Variants in ROR1 observed in about 807,000 individuals in gnomAD.
ROR1 encodes ROR family WNT receptor 1, also known as inactive tyrosine-protein kinase transmembrane receptor ROR1.
Under a neutral mutation model 78.8 loss-of-function variants are expected in ROR1, and 19 were observed. The observed-to-expected ratio is 0.24, with a 90% confidence interval of 0.17 to 0.35. ROR1 has a LOEUF of 0.35. Among genes scored for constraint, ROR1 ranks in the 10% least tolerant of loss-of-function variants. The pLI is 1.00. For missense variants in ROR1, 917 were observed against 1,177.8 expected (o/e 0.78, Z 3.24); for synonymous variants, 386 against 433.6 (o/e 0.89, Z 1.36).
chr1:64,142,968 G>C, intron 7 of ROR1: 1 of 1,138,542 alleles, frequency 8.8e-7, no homozygotes, highest in South Asian at 2.6e-5. Context: ...TACCCAGAAT[G>C]GTCTGCGTCC....
intron 1 of ROR1, among the ~76,000 whole-genome samples, chr1:63,877,037 C>T (rs1007730546): frequency 2.0e-5 from 3 of 151,924 alleles, no homozygotes; most frequent in East Asian, 3.9e-4. Flanking sequence ...TCTTAGAAAA[C>T]GAGGGCACAC....
chr1:64,106,154 C>T (rs2100664388), intron 4 of ROR1: 1 of 152,186 alleles, frequency 6.6e-6, no homozygotes, highest in South Asian at 2.1e-4. Context: ...GTTTGTAGTT[C>T]TCCTTGAAAA....
At chr1:64,014,760 A>ATT (rs1646506070) in intron 2 of ROR1, among the ~76,000 whole-genome samples, 1 of 44,938 alleles carries the variant, frequency 2.2e-5, no homozygotes, top group Non-Finnish European at 5.6e-5. Context: ...ATATATATAT[A>ATT]TATATATATA....
intron 1 of ROR1, among the ~76,000 whole-genome samples, chr1:63,929,651 A>G (rs1645734979): frequency 6.6e-6 from 1 of 152,180 alleles, no homozygotes; most frequent in African/African-American, 2.4e-5. Context: ...ATAAATGTAA[A>G]TGGTAAATAA....
At chr1:63,897,329 T>C (rs1266756556) in intron 1 of ROR1, among the ~76,000 whole-genome samples, 5 of 152,262 alleles carry the variant, frequency 3.3e-5, no homozygotes, top group Non-Finnish European at 7.3e-5. Flanking sequence ...ACCTATGAAA[T>C]GCTTGACATT....
chr1:63,895,358 C>G (rs972832197), intron 1 of ROR1, among the ~76,000 whole-genome samples: 16 of 152,298 alleles, frequency 1.1e-4, no homozygotes, highest in African/African-American at 3.6e-4. Flanking sequence ...TTTGGCTACA[C>G]TGCTGGGCTT....
chr1:63,778,634 G>A (rs914397765), intron 1 of ROR1, among the ~76,000 whole-genome samples: 1 of 152,220 alleles, frequency 6.6e-6, no homozygotes, highest in Non-Finnish European at 1.5e-5. Context: ...AATTTGTACA[G>A]TTTATTTAAC....
intron 1 of ROR1, among the ~76,000 whole-genome samples, chr1:63,902,191 GA>G (rs1645490448): frequency 1.3e-5 from 2 of 152,106 alleles, no homozygotes; most frequent in African/African-American, 4.8e-5. Flanking sequence ...TATTTAAATG[GA>G]AAAGAAGGAA....
intron 1 of ROR1, among the ~76,000 whole-genome samples, chr1:63,779,559 A>G (rs1272688601): frequency 1.3e-5 from 2 of 152,162 alleles, no homozygotes; most frequent in Non-Finnish European, 2.9e-5. Flanking sequence ...AAAATCCTTA[A>G]CTAAATGCAG....
chr1:63,894,487 A>AT (rs1228073999), intron 1 of ROR1, among the ~76,000 whole-genome samples: 2 of 152,074 alleles, frequency 1.3e-5, no homozygotes, highest in African/African-American at 4.8e-5. Context: ...ACATAGACAT[A>AT]TAGCCTCCCA....
At chr1:64,138,106 CAT>C (rs1309909339) in intron 5 of ROR1, among the ~76,000 whole-genome samples, 1 of 152,226 alleles carries the variant, frequency 6.6e-6, no homozygotes, top group African/African-American at 2.4e-5. Flanking sequence ...TACTAGCACA[CAT>C]GAGTTAAAGT....
rs149480389 is a variant in ROR1, at chr1:63,801,278, G to T, written c.91+26770G>T. 2.0e-3 allele frequency among the ~76,000 whole-genome samples: 307 copies of T among 152,176 alleles called. 1 individual carries two copies. Among genetic ancestry groups the T allele is most frequent in the African/African-American group, 6.8e-3 (282 of 41,522 alleles). On this transcript the variant is annotated intron_variant, in intron 1 of 8. Coordinates refer to ENST00000371079, the MANE Select transcript of ROR1 (RefSeq NM_005012.4). ...CATAACATGGACGTATTATGTGGCTGTATTTATGGGTATCATGTTTTTGGT... is the reference window on the plus strand; with the variant it reads ...CATAACATGGACGTATTATGTGGCTTTATTTATGGGTATCATGTTTTTGGT...
chr1:63,840,852 A>G (rs1003592509), intron 1 of ROR1, among the ~76,000 whole-genome samples: 1 of 152,174 alleles, frequency 6.6e-6, no homozygotes, highest in African/African-American at 2.4e-5. Flanking sequence ...CATCTAGAAA[A>G]TGGGAATAAT....
chr1:63,865,902 T>C (rs930280664), intron 1 of ROR1, among the ~76,000 whole-genome samples: 1 of 152,136 alleles, frequency 6.6e-6, no homozygotes, highest in East Asian at 1.9e-4. Context: ...ATGAATTTCA[T>C]AGTGAAGTGG....
intron 4 of ROR1, among the ~76,000 whole-genome samples, chr1:64,085,101 T>C (rs1370767088): frequency 6.6e-6 from 1 of 152,218 alleles, no homozygotes; most frequent in African/African-American, 2.4e-5. Flanking sequence ...TGCTGAAGTT[T>C]TACAAACCTC....
At chr1:63,818,889 C>G (rs1255093027) in intron 1 of ROR1, among the ~76,000 whole-genome samples, 1 of 152,098 alleles carries the variant, frequency 6.6e-6, no homozygotes, top group Non-Finnish European at 1.5e-5. Flanking sequence ...GGATTTGAGA[C>G]TGGTGTGTAG....
intron 1 of ROR1, among the ~76,000 whole-genome samples, chr1:63,786,558 C>T (rs1210712405): frequency 4.7e-5 from 7 of 149,312 alleles, no homozygotes; most frequent in African/African-American, 1.2e-4. Flanking sequence ...AGGCGTGAGC[C>T]ACCGCGCCTG....
intron 1 of ROR1, among the ~76,000 whole-genome samples, chr1:63,889,204 A>G (rs1356042811): frequency 9.9e-5 from 15 of 152,100 alleles, no homozygotes; most frequent in Non-Finnish European, 2.9e-5. Context: ...ACAGTCTTTT[A>G]TAACCTAATT....
At chr1:63,805,295 C>T (rs558321003) in intron 1 of ROR1, among the ~76,000 whole-genome samples, 1 of 152,206 alleles carries the variant, frequency 6.6e-6, no homozygotes, top group African/African-American at 2.4e-5. Context: ...TTGGGAAGCC[C>T]GTGGCCCAGG....
Sources: gnomAD v4.1 joint callset for allele counts (sites outside exome capture counted in the v4.1 genomes callset) on GRCh38, gnomAD v4.1.1 for gene constraint, MANE v1.5 for transcripts, NCBI Gene and HGNC (gene_info 2026-07-23, HGNC 2026-07-21) for gene names.